SHB: variants seen among roughly 807,000 people sequenced by gnomAD.
SHB encodes the protein SH2 domain containing adaptor protein B, also known as SH2 domain-containing adapter protein B.
Under a neutral mutation model 52.3 loss-of-function variants are expected in SHB, and 20 were observed. The observed-to-expected ratio is 0.38, with a 90% confidence interval of 0.27 to 0.56. The LOEUF (loss-of-function observed/expected upper bound fraction) is 0.56. SHB is among the 20% of genes least tolerant of loss of function. The probability of loss-of-function intolerance (pLI) is 0.71; values close to 1 mark genes in which losing one functional copy is unlikely to be tolerated. For synonymous variants in SHB, 397 were observed against 316.5 expected, an observed-to-expected ratio of 1.25 and a Z score of -2.70; for missense variants, 825 against 723.3, an observed-to-expected ratio of 1.14 and a Z score of -1.61.
At position 38,068,233 on chromosome 9, in the gene SHB, C is replaced by G; in HGVS notation, c.413G>C (p.Gly138Ala). 7.2e-7 allele frequency: 1 copy of G among 1,397,562 alleles called. No homozygotes were observed. The highest frequency in any genetic ancestry group is 9.2e-7 in the Non-Finnish European group (1 of 1,088,234). 86.6% of individuals were successfully genotyped at this position (1,397,562 alleles called of 1,614,324 possible). A position where few individuals can be genotyped will look rare whatever the true frequency, so the allele number is the denominator to read the frequency against. The change falls in exon 1 of 6, where the codon GGC (glycine) becomes GCC (alanine). Residue 138 changes from glycine (G) to alanine (A), a missense_variant. Coordinates refer to ENST00000377707, the MANE Select transcript of SHB (RefSeq NM_003028.3). ...FSASSASGAA[G>A]CCCASSGAGA... ...CGCGCCCGAGGAGGCGCAGCAACAGCCCGCGGCGCCCGACGCGGACGAGGC... is the reference window on the plus strand; with the variant it reads ...CGCGCCCGAGGAGGCGCAGCAACAGGCCGCGGCGCCCGACGCGGACGAGGC...
intron 2 of SHB, among the ~76,000 whole-genome samples, chr9:37,976,485 T>C (rs568706138): frequency 6.6e-6 from 1 of 152,310 alleles, no homozygotes; most frequent in African/African-American, 2.4e-5. Context: ...ACTCTCCCCA[T>C]TATCCCTCCT....
At chr9:38,040,676 G>T (rs1215856989) in intron 1 of SHB, among the ~76,000 whole-genome samples, 1 of 152,024 alleles carries the variant, frequency 6.6e-6, no homozygotes, top group Non-Finnish European at 1.5e-5. Flanking sequence ...GGCACACTAC[G>T]GTGGGGGGGC....
intron 5 of SHB, among the ~76,000 whole-genome samples, chr9:37,932,171 A>G (rs1468169926): frequency 6.7e-6 from 1 of 149,476 alleles, no homozygotes; most frequent in East Asian, 2.0e-4. Flanking sequence ...AATCCCAGAT[A>G]CTCGGGAGGC....
At chr9:38,055,381 GA>G (rs199871614) in intron 1 of SHB, among the ~76,000 whole-genome samples, 1 of 152,116 alleles carries the variant, frequency 6.6e-6, no homozygotes. Flanking sequence ...TAGTGGTCTG[GA>G]AAAAAATCTC....
At position 37,986,455 on chromosome 9, in the gene SHB, C is replaced by T. The variant is rs149146155; in HGVS notation, c.839-11618G>A. Among the ~76,000 whole-genome samples, 29 of 152,098 alleles carry T rather than the reference C, an allele frequency of 1.9e-4. No individual in the cohort carries two copies. The East Asian group carries it at 5.4e-3, about 28-fold the overall frequency. Reference sequence around the variant, plus strand: ...GATGCCAGGACTAGGGGTGCAGCCACTAAAGGCAAGAAACTGGGAAAGGTG... The same window carrying T: ...GATGCCAGGACTAGGGGTGCAGCCATTAAAGGCAAGAAACTGGGAAAGGTG... On this transcript the variant is annotated intron_variant, in intron 2 of 5. Transcript: ENST00000377707.
At chr9:37,971,278 G>A (rs980164097) in intron 3 of SHB, among the ~76,000 whole-genome samples, 2 of 152,118 alleles carry the variant, frequency 1.3e-5, no homozygotes, top group African/African-American at 4.8e-5. Context: ...GGGGGTCCTC[G>A]CCATCCTTCC....
Position 38,068,266 on chromosome 9 carries a change from G to A in SHB, c.380C>T (p.Ala127Val), listed in dbSNP as rs530632042. 5.0e-5 allele frequency: 73 copies of A among 1,453,578 alleles called. No homozygotes were observed. The highest frequency in any genetic ancestry group is 8.9e-5 in the African/African-American group (6 of 67,520). 90.0% of individuals were successfully genotyped at this position (1,453,578 alleles called of 1,614,324 possible). ...GCCCGACGCGGACGAGGCCGAGAAG[G>A]CGCGCTGGACCCCGCCTGGCTCCCC... ...GSGEPGGVQR[A>V]FSASSASGAA... Residue 127 changes from alanine (A) to valine (V), a missense_variant, in exon 1 of 6, where the codon GCC (alanine) becomes GTC (valine). Physicochemically the swap from Ala to Val is moderately conservative, Grantham distance 64 (BLOSUM62 0). Transcript: ENST00000377707.
At chr9:38,015,202 C>T (rs2118075571) in intron 2 of SHB, among the ~76,000 whole-genome samples, 1 of 152,366 alleles carries the variant, frequency 6.6e-6, no homozygotes, top group South Asian at 2.1e-4. Flanking sequence ...TCTTCAGTGT[C>T]TGGCCTGCCC....
chr9:38,067,335 C>T (rs900956472), intron 1 of SHB, among the ~76,000 whole-genome samples: 4 of 152,126 alleles, frequency 2.6e-5, no homozygotes, highest in Non-Finnish European at 4.4e-5. Context: ...ACCGGAAAAG[C>T]ACGCGTGGAG....
intron 5 of SHB, among the ~76,000 whole-genome samples, chr9:37,947,042 T>A (rs1382668831): frequency 6.6e-6 from 1 of 152,196 alleles, no homozygotes; most frequent in African/African-American, 2.4e-5. Flanking sequence ...CTCAGTCCAA[T>A]TCCGCTCCTC....
chr9:37,941,487 C>T (rs180748987), intron 5 of SHB, among the ~76,000 whole-genome samples: 222 of 152,294 alleles, frequency 1.5e-3, no homozygotes, highest in African/African-American at 5.0e-3. Flanking sequence ...TTGTCTTCAC[C>T]GCTGTGCAGA....
At position 37,919,979 on chromosome 9, in the gene SHB, TC is replaced by T. The variant is rs1832157294; in HGVS notation, c.1371del (p.Met457IlefsTer50). On this transcript the variant is annotated frameshift_variant, in exon 6 of 6. Transcript: ENST00000377707. LOFTEE classifies it high-confidence loss of function. ...TATTTCTCTTTGGTTTTGGCCAGTTTCATGTGCATAAAACCCTGGTTGCTCC... is the reference window on the plus strand; with the variant it reads ...TATTTCTCTTTGGTTTTGGCCAGTTTATGTGCATAAAACCCTGGTTGCTCC... The part of the protein sequence containing the change: ...SLRSNQGFMH[M>X]KLAKTKEKYV... 6.2e-7 allele frequency: 1 copy of T among 1,614,010 alleles called. No individual in the cohort carries two copies. Among genetic ancestry groups the T allele is most frequent in the Non-Finnish European group, 8.5e-7 (1 of 1,179,992 alleles).
intron 5 of SHB, among the ~76,000 whole-genome samples, chr9:37,931,609 C>A (rs552037581): frequency 6.6e-6 from 1 of 151,904 alleles, no homozygotes. Context: ...GGCGAGGATG[C>A]GGAAAAAAGG....
At chr9:37,961,095 A>T (rs1218109891) in intron 3 of SHB, among the ~76,000 whole-genome samples, 2 of 152,146 alleles carry the variant, frequency 1.3e-5, no homozygotes, top group Non-Finnish European at 2.9e-5. Flanking sequence ...GGTCTGGCAC[A>T]AACGCCACCT....
intron 1 of SHB, among the ~76,000 whole-genome samples, chr9:38,041,546 G>T (rs1478317311): frequency 6.6e-6 from 1 of 152,054 alleles, no homozygotes; most frequent in Non-Finnish European, 1.5e-5. Flanking sequence ...ATGGGCACAG[G>T]CAAGTGCAGA....
chr9:37,968,480 A>G (rs1341332998), intron 3 of SHB, among the ~76,000 whole-genome samples: 1 of 152,224 alleles, frequency 6.6e-6, no homozygotes, highest in Non-Finnish European at 1.5e-5. Flanking sequence ...GGGAAGACAG[A>G]TAAGTACCCA....
At chr9:37,959,400 C>T (rs3922775) in intron 3 of SHB, among the ~76,000 whole-genome samples, 88,050 of 151,870 alleles carry the variant, frequency 0.58, 25,785 homozygotes, top group East Asian at 0.82. Context: ...GGGCTGCCAG[C>T]GTTGAAGGGC....
chr9:38,014,826 C>T (rs1371106545), intron 2 of SHB, among the ~76,000 whole-genome samples: 1 of 152,228 alleles, frequency 6.6e-6, no homozygotes, highest in African/African-American at 2.4e-5. Flanking sequence ...CAACAATCAA[C>T]CTGCACGGCT....
In SHB at chr9:37,957,712, T is replaced by C. The variant is rs376032120; in HGVS notation, c.1055-1658A>G. 5.9e-5 allele frequency among the ~76,000 whole-genome samples: 9 copies of C among 152,216 alleles called. No homozygotes were observed. In the East Asian group the frequency reaches 9.6e-4, roughly 16 times the overall value. ...ACAACAGACAGAGATACCTGCCTTA[T>C]GGAGCGCAGGGTCCTCGTGAGGAGA... On this transcript the variant is annotated intron_variant, in intron 3 of 5. Transcript: ENST00000377707.
Sources: gnomAD v4.1 joint callset for allele counts (sites outside exome capture counted in the v4.1 genomes callset) on GRCh38, gnomAD v4.1.1 for gene constraint, MANE v1.5 for transcripts, NCBI Gene and HGNC (gene_info 2026-07-23, HGNC 2026-07-21) for gene names.